Variants in SPATA17 observed in about 807,000 individuals in gnomAD.
SPATA17 encodes spermatogenesis associated 17.
Under a neutral mutation model 62.2 loss-of-function variants are expected in SPATA17, and 53 were observed. That is an observed-to-expected ratio of 0.85 (90% CI 0.68 to 1.07). SPATA17 has a LOEUF of 1.07. SPATA17 is among the 50% of genes least tolerant of loss of function. The pLI is 0.00. For missense variants in SPATA17, 466 were observed against 425.5 expected, an observed-to-expected ratio of 1.10 and a Z score of -0.84; for synonymous variants, 146 against 146.8, an observed-to-expected ratio of 0.99 and a Z score of 0.04.
chr1:217,838,276 C>G (rs941428964), intron 9 of SPATA17, among the ~76,000 whole-genome samples: 15 of 151,988 alleles, frequency 9.9e-5, no homozygotes, highest in Admixed American at 6.6e-5. Context: ...TTAGCAGAAT[C>G]TGTGGAAAAT....
At chr1:217,709,199 C>T (rs374030274) in intron 5 of SPATA17, among the ~76,000 whole-genome samples, 5 of 152,206 alleles carry the variant, frequency 3.3e-5, no homozygotes, top group South Asian at 4.1e-4. Context: ...TATATAATTG[C>T]CATTTACTGT....
chr1:217,819,478 A>G (rs1226743005), intron 9 of SPATA17, among the ~76,000 whole-genome samples: 1 of 151,812 alleles, frequency 6.6e-6, no homozygotes, highest in Non-Finnish European at 1.5e-5. Flanking sequence ...GCTCTTCTCT[A>G]TAGTTGATGC....
At chr1:217,664,207 CT>C (rs1269286961) in intron 3 of SPATA17, among the ~76,000 whole-genome samples, 1 of 151,098 alleles carries the variant, frequency 6.6e-6, no homozygotes, top group Non-Finnish European at 1.5e-5. Flanking sequence ...ATTGAATGTG[CT>C]GTTGACATGA....
At chr1:217,812,741 A>T (rs988105551) in intron 9 of SPATA17, among the ~76,000 whole-genome samples, 9 of 152,218 alleles carry the variant, frequency 5.9e-5, no homozygotes, top group Admixed American at 3.9e-4. Flanking sequence ...AATTCAGTGT[A>T]CTAAAAACAT....
intron 5 of SPATA17, among the ~76,000 whole-genome samples, chr1:217,704,070 T>A (rs369142228): frequency 6.9e-6 from 1 of 145,050 alleles, no homozygotes. Flanking sequence ...TCTTGTGTAT[T>A]TTTAAAACTC....
chr1:217,687,985 C>A (rs1276547303), intron 5 of SPATA17, among the ~76,000 whole-genome samples: 1 of 152,134 alleles, frequency 6.6e-6, no homozygotes, highest in Non-Finnish European at 1.5e-5. Flanking sequence ...TTATTGTGAA[C>A]TTAAAAAACA....
chr1:217,802,195 C>T (rs1170114549), intron 9 of SPATA17, among the ~76,000 whole-genome samples: 1 of 151,984 alleles, frequency 6.6e-6, no homozygotes, highest in Admixed American at 6.6e-5. Flanking sequence ...TTTGCTCTCT[C>T]TCAATCTATG....
intron 4 of SPATA17, 56 bp from the exon 5 acceptor site, chr1:217,683,202 A>C: frequency 8.0e-7 from 1 of 1,255,814 alleles, no homozygotes; most frequent in Non-Finnish European, 1.1e-6. Context: ...AAGTGCTATT[A>C]CATTTTTAAT....
rs553292746 is a variant in SPATA17 at position 217,729,852 on chromosome 1, G to T, written c.396-12123G>T. On this transcript the variant is annotated intron_variant, in intron 5 of 10. Coordinates refer to ENST00000366933, the MANE Select transcript of SPATA17 (RefSeq NM_138796.4). ...AGAATGTACTACCTTTTACAATTTG[G>T]CATTTCAAAATATTTAAAAACAAAA... Among the ~76,000 whole-genome samples the T allele has an allele frequency of 4.6e-5, 7 of 152,120 alleles. No individual in the cohort carries two copies. In the South Asian group the frequency reaches 1.5e-3, roughly 32 times the overall value.
intron 9 of SPATA17, among the ~76,000 whole-genome samples, chr1:217,808,840 C>G (rs1353536365): frequency 6.9e-6 from 1 of 145,384 alleles, no homozygotes; most frequent in East Asian, 2.1e-4. Context: ...GGTGACAGAG[C>G]GAGACTCTGT....
intron 9 of SPATA17, among the ~76,000 whole-genome samples, chr1:217,832,807 G>A (rs558613787): frequency 6.6e-6 from 1 of 152,098 alleles, no homozygotes; most frequent in South Asian, 2.1e-4. Flanking sequence ...GCTGGCTGTG[G>A]CAGTGCGCAT....
rs184164103 is a variant in SPATA17, at chr1:217,632,400, C to T, written c.68+954C>T. 1.8e-3 allele frequency among the ~76,000 whole-genome samples: 266 copies of T among 151,972 alleles called. 1 individual carries two copies. Among genetic ancestry groups the T allele is most frequent in the Admixed American group, 4.5e-3 (68 of 15,262 alleles). On this transcript the variant is annotated intron_variant, in intron 1 of 10. Coordinates refer to ENST00000366933, the MANE Select transcript of SPATA17 (RefSeq NM_138796.4). ...AGTTTTTGTAACTTAAAAGAAACTG[C>T]AAAAAAGTGAATTAGACTATTATGG...
intron 6 of SPATA17, among the ~76,000 whole-genome samples, chr1:217,746,625 C>A (rs1459981133): frequency 6.6e-6 from 1 of 151,626 alleles, no homozygotes; most frequent in African/African-American, 2.4e-5. Flanking sequence ...ATGCTGATTG[C>A]AAAGTTTTAA....
At chr1:217,866,013 T>C (rs1286131289) in intron 10 of SPATA17, among the ~76,000 whole-genome samples, 1 of 152,196 alleles carries the variant, frequency 6.6e-6, no homozygotes, top group Non-Finnish European at 1.5e-5. Flanking sequence ...ATAAGTATAG[T>C]TAGCACCTGG....
chr1:217,737,086 T>C (rs1672526441), intron 5 of SPATA17, among the ~76,000 whole-genome samples: 1 of 152,158 alleles, frequency 6.6e-6, no homozygotes, highest in South Asian at 2.1e-4. Flanking sequence ...AACATGAGTA[T>C]AGTATTGTGG....
intron 1 of SPATA17, among the ~76,000 whole-genome samples, chr1:217,632,732 AATAAATCTGT>A (rs1373091425): frequency 6.6e-6 from 1 of 152,238 alleles, no homozygotes; most frequent in Non-Finnish European, 1.5e-5. Flanking sequence ...TGAATTTTTC[AATAAATCTGT>A]AGCCCTGGTT....
chr1:217,665,762 A>T (rs1670680690), intron 3 of SPATA17, among the ~76,000 whole-genome samples: 1 of 152,240 alleles, frequency 6.6e-6, no homozygotes, highest in Admixed American at 6.5e-5. Flanking sequence ...ATTGAATAAG[A>T]GCCCTGTCTA....
chr1:217,804,146 T>A (rs557617549), intron 9 of SPATA17, among the ~76,000 whole-genome samples: 1 of 152,326 alleles, frequency 6.6e-6, no homozygotes, highest in South Asian at 2.1e-4. Context: ...CTATCTGATT[T>A]CAAATTATAT....
chr1:217,632,315 T>C (rs1324728132), intron 1 of SPATA17, among the ~76,000 whole-genome samples: 2 of 152,154 alleles, frequency 1.3e-5, no homozygotes, highest in Non-Finnish European at 2.9e-5. Context: ...CTTCTTCATC[T>C]CCCTACAGCC....
Sources: allele counts gnomAD v4.1 joint callset (sites outside exome capture counted in the v4.1 genomes callset), GRCh38; gene constraint gnomAD v4.1.1; transcripts MANE v1.5; gene names NCBI Gene and HGNC (gene_info 2026-07-23, HGNC 2026-07-21).